The following RBFOX1 variants were observed in gnomAD, a reference collection of about 807,000 sequenced individuals.
The protein encoded by RBFOX1 is RNA binding protein fox-1 homolog 1.
A neutral mutation model predicts 57.7 loss-of-function variants in RBFOX1; 8 were observed. The ratio of observed to expected loss-of-function variants is 0.14; its 90% CI spans 0.08 to 0.25. The LOEUF (loss-of-function observed/expected upper bound fraction) is 0.25. RBFOX1 is among the 10% of genes least tolerant of loss of function. The probability of loss-of-function intolerance (pLI) is 1.00; values close to 1 mark genes in which losing one functional copy is unlikely to be tolerated. For synonymous variants in RBFOX1, 326 were observed against 222.4 expected (o/e 1.47, Z -4.15); for missense variants, 611 against 548.5 (o/e 1.11, Z -1.14).
chr16:7,329,189 C>T (rs1037505320), intron 4 of RBFOX1, among the ~76,000 whole-genome samples: 4 of 152,196 alleles, frequency 2.6e-5, no homozygotes, highest in Non-Finnish European at 5.9e-5. Flanking sequence ...ATTTACCATT[C>T]CCTGCCCGTG....
chr16:6,715,896 G>A (rs1017750485), intron 3 of RBFOX1, among the ~76,000 whole-genome samples: 4 of 152,176 alleles, frequency 2.6e-5, no homozygotes, highest in African/African-American at 9.6e-5. Context: ...GGCTCAGCCT[G>A]CTACTATTAC....
chr16:6,923,040 A>G (rs760301385), intron 3 of RBFOX1, among the ~76,000 whole-genome samples: 1 of 152,238 alleles, frequency 6.6e-6, no homozygotes, highest in Non-Finnish European at 1.5e-5. Context: ...TAGACAGTGC[A>G]GTACCGTCGG....
At chr16:6,851,174 T>G (rs1464376770) in intron 3 of RBFOX1, among the ~76,000 whole-genome samples, 1 of 152,248 alleles carries the variant, frequency 6.6e-6, no homozygotes, top group Non-Finnish European at 1.5e-5. Context: ...ATCATTTTTA[T>G]GTATCTAAAG....
intron 1 of RBFOX1, among the ~76,000 whole-genome samples, chr16:5,332,766 A>T (rs1348178297): frequency 2.0e-5 from 3 of 151,938 alleles, no homozygotes; most frequent in Admixed American, 1.3e-4. Context: ...AAGAAAATAC[A>T]AGGGCAGTTT....
chr16:5,395,200 C>T lies in RBFOX1; in HGVS notation c.220-72016C>T, dbSNP rs180880057. Among the ~76,000 whole-genome samples, 90 of 152,338 alleles carry T rather than the reference C, an allele frequency of 5.9e-4. No individual in the cohort carries two copies. In the South Asian group the frequency reaches 7.3e-3, roughly 12 times the overall value. ...ACTTTCACATCTGTCATGACCTCAC[C>T]TGGTGGTCTCTGTGCATCTCTTCTC... On this transcript the variant is annotated intron_variant, in intron 1 of 2. Coordinates refer to the RBFOX1 transcript ENST00000585867.
intron 4 of RBFOX1, among the ~76,000 whole-genome samples, chr16:7,175,157 C>G (rs1168048462): frequency 1.3e-5 from 2 of 151,888 alleles, no homozygotes; most frequent in Non-Finnish European, 2.9e-5. Context: ...CGGTATTAAG[C>G]CCAGCATGCA....
intron 2 of RBFOX1, among the ~76,000 whole-genome samples, chr16:6,428,912 A>G (rs1355559021): frequency 1.3e-5 from 2 of 152,216 alleles, no homozygotes; most frequent in African/African-American, 4.8e-5. Flanking sequence ...TCGTGTAGGA[A>G]GTAGTAAAGC....
At chr16:6,570,267 G>C (rs1163074726) in intron 2 of RBFOX1, among the ~76,000 whole-genome samples, 1 of 152,234 alleles carries the variant, frequency 6.6e-6, no homozygotes, top group East Asian at 1.9e-4. Context: ...TTCACTGTAA[G>C]ATACTCTTTT....
At chr16:6,899,430 T>G (rs2067899707) in intron 3 of RBFOX1, among the ~76,000 whole-genome samples, 1 of 152,232 alleles carries the variant, frequency 6.6e-6, no homozygotes, top group South Asian at 2.1e-4. Context: ...TTACAATTTT[T>G]ACATTTTTAG....
chr16:7,053,390 C>G (rs1367897911), intron 4 of RBFOX1, among the ~76,000 whole-genome samples: 1 of 152,152 alleles, frequency 6.6e-6, no homozygotes, highest in Non-Finnish European at 1.5e-5. Context: ...AACTGTCTTA[C>G]TGCTTTTTTC....
At chr16:6,748,508 G>T (rs2074256192) in intron 3 of RBFOX1, among the ~76,000 whole-genome samples, 1 of 151,950 alleles carries the variant, frequency 6.6e-6, no homozygotes, top group Non-Finnish European at 1.5e-5. Flanking sequence ...AAAAAATAAA[G>T]ATAAAAAATT....
chr16:7,072,516 G>C (rs1387426958), intron 4 of RBFOX1, among the ~76,000 whole-genome samples: 1 of 152,242 alleles, frequency 6.6e-6, no homozygotes. Context: ...ATTAATACAT[G>C]TTTGCAAATA....
At chr16:7,286,003 T>A (rs1164818346) in intron 4 of RBFOX1, among the ~76,000 whole-genome samples, 32 of 152,178 alleles carry the variant, frequency 2.1e-4, no homozygotes, top group Admixed American at 2.1e-3. Flanking sequence ...TAGACTGAGT[T>A]TTGTTTGTTT....
chr16:7,142,501 G>A (rs1307589923), intron 4 of RBFOX1, among the ~76,000 whole-genome samples: 2 of 152,144 alleles, frequency 1.3e-5, no homozygotes, highest in Non-Finnish European at 2.9e-5. Context: ...TCCTACCCCT[G>A]AGTGTTTGTA....
chr16:7,123,312 A>C (rs1225773354), intron 4 of RBFOX1, among the ~76,000 whole-genome samples: 1 of 152,150 alleles, frequency 6.6e-6, no homozygotes, highest in Non-Finnish European at 1.5e-5. Context: ...CACATTTAAA[A>C]ATATTTGTGG....
intron 3 of RBFOX1, among the ~76,000 whole-genome samples, chr16:6,965,809 C>G (rs1466379706): frequency 1.3e-5 from 2 of 152,144 alleles, no homozygotes; most frequent in African/African-American, 4.8e-5. Context: ...ATTAGTCAGT[C>G]TTTTAATCTG....
chr16:6,951,611 T>C (rs1349281930), intron 3 of RBFOX1, among the ~76,000 whole-genome samples: 1 of 152,180 alleles, frequency 6.6e-6, no homozygotes, highest in Non-Finnish European at 1.5e-5. Flanking sequence ...CATGTGGTTT[T>C]TTCTCATGGT....
intron 14 of RBFOX1, among the ~76,000 whole-genome samples, chr16:7,706,245 T>C (rs992635775): frequency 1.4e-4 from 22 of 152,182 alleles, no homozygotes; most frequent in African/African-American, 4.8e-4. Context: ...ACATGATCTC[T>C]TTTCCTCTGG....
intron 1 of RBFOX1, among the ~76,000 whole-genome samples, chr16:5,462,912 A>G (rs76691562): frequency 0.013 from 1,907 of 152,294 alleles, 52 homozygotes; most frequent in African/African-American, 0.043. Flanking sequence ...TGAATTTTCA[A>G]TGTTGCTGAA....
Sources: gnomAD v4.1 joint callset for allele counts (sites outside exome capture counted in the v4.1 genomes callset) on GRCh38, gnomAD v4.1.1 for gene constraint, MANE v1.5 for transcripts, NCBI Gene and HGNC (gene_info 2026-07-23, HGNC 2026-07-21) for gene names.